Variants in DTNA observed in about 807,000 individuals in gnomAD.
DTNA encodes the protein dystrobrevin alpha, also known as dystrophin-related protein 3.
Under a neutral mutation model 100.7 loss-of-function variants are expected in DTNA, and 43 were observed. The ratio of observed to expected loss-of-function variants is 0.43; its 90% CI spans 0.33 to 0.55. DTNA has a LOEUF of 0.55. Among genes scored for constraint, DTNA ranks in the 20% least tolerant of loss-of-function variants. The pLI is 0.04. For missense variants in DTNA, 798 were observed against 953.9 expected, an observed-to-expected ratio of 0.84 and a Z score of 2.15; for synonymous variants, 349 against 347.9, an observed-to-expected ratio of 1.00 and a Z score of -0.04.
intron 5 of DTNA, among the ~76,000 whole-genome samples, chr18:34,810,256 C>G (rs2095456271): frequency 1.3e-5 from 2 of 151,980 alleles, no homozygotes; most frequent in Admixed American, 1.3e-4. Flanking sequence ...CTACGCCTAC[C>G]CATAGACTTT....
rs147895706 is a variant in DTNA at position 34,654,353 on chromosome 18, G to A, written c.-1-101623G>A. Among the ~76,000 whole-genome samples the A allele has an allele frequency of 8.6e-3, 1,312 of 152,260 alleles. 17 individuals are homozygous for A. Among genetic ancestry groups the A allele is most frequent in the African/African-American group, 0.025 (1,047 of 41,550 alleles). On this transcript the variant is annotated intron_variant, in intron 1 of 19. Transcript: ENST00000283365. Reference sequence around the variant, plus strand: ...AGTTACCAGTTACTGAGTGACAGTCGTGTACTAGGTACAATACATTCATTA... The same window carrying A: ...AGTTACCAGTTACTGAGTGACAGTCATGTACTAGGTACAATACATTCATTA...
intron 1 of DTNA, among the ~76,000 whole-genome samples, chr18:34,569,295 G>A (rs576006899): frequency 1.3e-5 from 2 of 152,252 alleles, no homozygotes; most frequent in South Asian, 4.1e-4. Flanking sequence ...GACCAAACTC[G>A]CAACAGATTG....
intron 3 of DTNA, among the ~76,000 whole-genome samples, chr18:34,789,421 G>A (rs1182175684): frequency 1.3e-5 from 2 of 152,184 alleles, no homozygotes; most frequent in East Asian, 1.9e-4. Flanking sequence ...AATCCTTATT[G>A]TAGTTATGGT....
At chr18:34,871,344 G>C (rs982739633) in intron 17 of DTNA, among the ~76,000 whole-genome samples, 2 of 152,172 alleles carry the variant, frequency 1.3e-5, no homozygotes, top group African/African-American at 4.8e-5. Flanking sequence ...GGAGGATGGT[G>C]CATAGAGATT....
At chr18:34,556,758 T>G (rs920906189) in intron 1 of DTNA, among the ~76,000 whole-genome samples, 1 of 152,102 alleles carries the variant, frequency 6.6e-6, no homozygotes, top group African/African-American at 2.4e-5. Context: ...TCTGATGGGC[T>G]TCCCTTTGAG....
intron 1 of DTNA, among the ~76,000 whole-genome samples, chr18:34,553,298 GGT>G (rs1454575110): frequency 2.0e-5 from 3 of 151,574 alleles, no homozygotes; most frequent in African/African-American, 7.3e-5. Context: ...CAGATGAGTA[GGT>G]TGCGAAAATT....
rs74747226 is a variant in DTNA at position 34,779,296 on chromosome 18, G to A, written c.148+13255G>A. Among the ~76,000 whole-genome samples the A allele has an allele frequency of 8.4e-3, 1,273 of 152,278 alleles. 20 individuals carry two copies. The highest frequency in any genetic ancestry group is 0.028 in the African/African-American group (1,153 of 41,546). On this transcript the variant is annotated intron_variant, in intron 3 of 22. Coordinates refer to ENST00000444659, the MANE Select transcript of DTNA (RefSeq NM_001386795.1). Reference sequence around the variant, plus strand: ...TGCATTTGACCCATATTCATGTGCAGATGGGTTCATAAAATGTCTATTGAG... The same window carrying A: ...TGCATTTGACCCATATTCATGTGCAAATGGGTTCATAAAATGTCTATTGAG...
chr18:34,860,454 G>A (rs2096610014), intron 16 of DTNA, among the ~76,000 whole-genome samples: 1 of 152,092 alleles, frequency 6.6e-6, no homozygotes, highest in Non-Finnish European at 1.5e-5. Flanking sequence ...AAGTACAGAT[G>A]CCTCTTTGCA....
chr18:34,601,290 A>C (rs534769318), intron 1 of DTNA, among the ~76,000 whole-genome samples: 82 of 152,300 alleles, frequency 5.4e-4, no homozygotes, highest in African/African-American at 1.7e-3. Context: ...TTTAGGAGAA[A>C]GGTAACTTCT....
chr18:34,543,170 A>G (rs1252460047), intron 1 of DTNA, among the ~76,000 whole-genome samples: 3 of 152,034 alleles, frequency 2.0e-5, no homozygotes, highest in Middle Eastern at 3.2e-3. Flanking sequence ...ATGTTTCTCT[A>G]TGTATTTACT....
intron 1 of DTNA, among the ~76,000 whole-genome samples, chr18:34,552,539 C>A (rs2045550009): frequency 7.9e-6 from 1 of 127,380 alleles, no homozygotes; most frequent in African/African-American, 2.8e-5. Context: ...TCCCCCCACC[C>A]CACCACAGTC....
chr18:34,781,699 A>G (rs1312738708), intron 3 of DTNA, among the ~76,000 whole-genome samples: 1 of 152,224 alleles, frequency 6.6e-6, no homozygotes, highest in Non-Finnish European at 1.5e-5. Flanking sequence ...TGAATGAATG[A>G]ATGAATAAAT....
intron 1 of DTNA, among the ~76,000 whole-genome samples, chr18:34,588,857 C>G (rs551916995): frequency 1.3e-5 from 2 of 152,056 alleles, no homozygotes; most frequent in Non-Finnish European, 2.9e-5. Context: ...TCATGGTGCA[C>G]ATACACATGC....
intron 1 of DTNA, chr18:34,573,944 G>T (rs71363454): frequency 0.1 from 15,564 of 152,292 alleles, 1,153 homozygotes; most frequent in African/African-American, 0.2. Flanking sequence ...TCGCTCATTT[G>T]TGTGTGTGTG....
chr18:34,851,955 G>A (rs367803264), intron 15 of DTNA, 27 bp downstream of exon 15: 15 of 1,609,478 alleles, frequency 9.3e-6, no homozygotes, highest in Non-Finnish European at 1.2e-5. Flanking sequence ...GTGCTGGCTT[G>A]TTTGATCAAT....
chr18:34,764,318 C>G (rs1347863451), intron 2 of DTNA, among the ~76,000 whole-genome samples: 1 of 152,198 alleles, frequency 6.6e-6, no homozygotes, highest in African/African-American at 2.4e-5. Flanking sequence ...CTTGGTGAAA[C>G]TCACACAACT....
chr18:34,730,493 C>G (rs2087841909), intron 1 of DTNA, among the ~76,000 whole-genome samples: 1 of 152,098 alleles, frequency 6.6e-6, no homozygotes, highest in South Asian at 2.1e-4. Flanking sequence ...CTTGTTCAGT[C>G]TTGGCAAAAA....
At chr18:34,866,349 A>C (rs1324279787) in intron 17 of DTNA, 4 of 1,421,068 alleles carry the variant, frequency 2.8e-6, no homozygotes, top group Non-Finnish European at 3.7e-6. Flanking sequence ...CAAAAGAAGA[A>C]CTATGACATC....
intron 1 of DTNA, among the ~76,000 whole-genome samples, chr18:34,536,309 T>C (rs2043706868): frequency 6.6e-6 from 1 of 151,976 alleles, no homozygotes; most frequent in South Asian, 2.1e-4. Flanking sequence ...TTTTTTTTCT[T>C]GTGGATTCCT....
Sources: allele counts gnomAD v4.1 joint callset (sites outside exome capture counted in the v4.1 genomes callset), GRCh38; gene constraint gnomAD v4.1.1; transcripts MANE v1.5; gene names NCBI Gene and HGNC (gene_info 2026-07-23, HGNC 2026-07-21).